The following WWOX variants were observed in gnomAD, a reference collection of about 807,000 sequenced individuals.
WWOX encodes WW domain containing oxidoreductase.
Under a neutral mutation model 46.2 loss-of-function variants are expected in WWOX, and 69 were observed. The ratio of observed to expected loss-of-function variants is 1.49; its 90% CI spans 1.23 to 1.82. The LOEUF (loss-of-function observed/expected upper bound fraction) is 1.82, where lower values mean the gene tolerates loss of function less well. Among genes scored for constraint, WWOX ranks in the 40% most tolerant of loss-of-function variants. The pLI, the probability that WWOX is intolerant of heterozygous loss-of-function variation, is 0.00. For synonymous variants in WWOX, 359 were observed against 202.6 expected (o/e 1.77, Z -6.56); for missense variants, 919 against 542.6 (o/e 1.69, Z -6.89).
intron 8 of WWOX, among the ~76,000 whole-genome samples, chr16:78,783,155 A>C (rs1323011378): frequency 6.6e-6 from 1 of 152,228 alleles, no homozygotes; most frequent in Non-Finnish European, 1.5e-5. Context: ...CATCTCCATC[A>C]TTTATAATGG....
chr16:78,765,096 G>T (rs990609909), intron 8 of WWOX, among the ~76,000 whole-genome samples: 1 of 152,206 alleles, frequency 6.6e-6, no homozygotes, highest in Non-Finnish European at 1.5e-5. Flanking sequence ...GAGAGGATGG[G>T]TGGCGGCTGT....
At chr16:78,428,879 G>A (rs898114282) in intron 7 of WWOX, among the ~76,000 whole-genome samples, 7 of 152,162 alleles carry the variant, frequency 4.6e-5, no homozygotes, top group Non-Finnish European at 1.0e-4. Flanking sequence ...TAAACATGAG[G>A]AAATTCCACA....
intron 8 of WWOX, among the ~76,000 whole-genome samples, chr16:78,936,967 C>T (rs1310077719): frequency 2.6e-5 from 4 of 152,082 alleles, no homozygotes; most frequent in Non-Finnish European, 5.9e-5. Context: ...GCATATTAAT[C>T]CATTAGTAAT....
chr16:79,038,348 TGATAC>T (rs2047907589), intron 8 of WWOX, among the ~76,000 whole-genome samples: 1 of 152,146 alleles, frequency 6.6e-6, no homozygotes, highest in Non-Finnish European at 1.5e-5. Context: ...AAAATGCTTA[TGATAC>T]AACATTAGGT....
intron 8 of WWOX, among the ~76,000 whole-genome samples, chr16:78,857,282 A>G (rs2052588984): frequency 6.6e-6 from 1 of 152,264 alleles, no homozygotes; most frequent in Non-Finnish European, 1.5e-5. Flanking sequence ...TTTATTTTTA[A>G]TCATAAAAAT....
intron 4 of WWOX, among the ~76,000 whole-genome samples, chr16:78,136,580 G>A (rs1273543928): frequency 6.6e-6 from 1 of 152,162 alleles, no homozygotes; most frequent in Non-Finnish European, 1.5e-5. Context: ...ATGTGTAGCC[G>A]TGTTATTCTT....
intron 8 of WWOX, among the ~76,000 whole-genome samples, chr16:78,949,875 A>G (rs1597193856): frequency 2.0e-5 from 3 of 152,328 alleles, no homozygotes; most frequent in Middle Eastern, 3.4e-3. Flanking sequence ...TATGGCTCTC[A>G]GCCCTACTTT....
intron 8 of WWOX, among the ~76,000 whole-genome samples, chr16:78,855,520 A>G (rs544027073): frequency 2.1e-3 from 319 of 152,334 alleles, no homozygotes; most frequent in Non-Finnish European, 3.8e-3. Context: ...GATCGATTCC[A>G]ATTTGTAAAT....
At chr16:79,121,791 C>T (rs904934604) in intron 8 of WWOX, among the ~76,000 whole-genome samples, 2 of 152,156 alleles carry the variant, frequency 1.3e-5, no homozygotes, top group African/African-American at 4.8e-5. Flanking sequence ...GTCCATTACT[C>T]TTTAAAAGTG....
At chr16:78,888,809 ATT>A (rs60457278) in intron 8 of WWOX, among the ~76,000 whole-genome samples, 1 of 150,736 alleles carries the variant, frequency 6.6e-6, no homozygotes, top group East Asian at 2.0e-4. Flanking sequence ...GAGGATATTG[ATT>A]TTTTTTTTCT....
In WWOX at chr16:79,069,610, T is replaced by A. The variant is rs76825673; in HGVS notation, c.1057-141998T>A. 3.3e-3 allele frequency among the ~76,000 whole-genome samples: 506 copies of A among 152,012 alleles called. 6 individuals are homozygous for A. The highest frequency in any genetic ancestry group is 0.011 in the African/African-American group (467 of 41,438). On this transcript the variant is annotated intron_variant, in intron 8 of 8. Transcript: ENST00000566780. ...ACAGTGCTAGTGGAAAGTATGCTGT[T>A]ATCAACCATTATTGAAGTAAGTGGG...
intron 8 of WWOX, chr16:79,203,051 GAATT>G (rs2051394199): frequency 6.6e-6 from 1 of 152,194 alleles, no homozygotes; most frequent in African/African-American, 2.4e-5. Flanking sequence ...CACCGAGGCA[GAATT>G]ATTTACCCGG....
chr16:78,765,158 G>A (rs1380639441), intron 8 of WWOX, among the ~76,000 whole-genome samples: 1 of 152,190 alleles, frequency 6.6e-6, no homozygotes, highest in African/African-American at 2.4e-5. Context: ...GATCACAGTG[G>A]CCCCACAGTG....
intron 8 of WWOX, among the ~76,000 whole-genome samples, chr16:78,812,511 C>T (rs1281046939): frequency 6.6e-6 from 1 of 152,004 alleles, no homozygotes; most frequent in Admixed American, 6.6e-5. Context: ...CACCTGAGGT[C>T]AGGAGTTCGA....
chr16:78,771,087 G>A (rs538686225), intron 8 of WWOX, among the ~76,000 whole-genome samples: 1 of 152,320 alleles, frequency 6.6e-6, no homozygotes, highest in Admixed American at 6.5e-5. Context: ...ATGCAAGTAA[G>A]CCAGCTGCAA....
intron 8 of WWOX, among the ~76,000 whole-genome samples, chr16:78,959,292 G>C (rs577717815): frequency 2.0e-5 from 3 of 152,286 alleles, no homozygotes; most frequent in African/African-American, 7.2e-5. Context: ...TTTTTCAAAA[G>C]GCATGTATTT....
intron 8 of WWOX, among the ~76,000 whole-genome samples, chr16:78,950,533 T>TACACACACACACACAC (rs141591649): frequency 1.4e-5 from 2 of 146,960 alleles, no homozygotes; most frequent in African/African-American, 2.5e-5. Flanking sequence ...CACACACACA[T>TACACACACACACACAC]ACACACACAC....
intron 8 of WWOX, among the ~76,000 whole-genome samples, chr16:78,985,976 C>T (rs897811075): frequency 5.3e-5 from 8 of 152,284 alleles, no homozygotes; most frequent in Non-Finnish European, 1.0e-4. Context: ...TGGCTCAGAG[C>T]CAACAATGCA....
chr16:78,272,610 C>T (rs2079500918), intron 5 of WWOX, among the ~76,000 whole-genome samples: 1 of 152,120 alleles, frequency 6.6e-6, no homozygotes, highest in African/African-American at 2.4e-5. Flanking sequence ...ATAGCATCTC[C>T]CTCATTACCT....
Sources: allele counts gnomAD v4.1 joint callset (sites outside exome capture counted in the v4.1 genomes callset), GRCh38; gene constraint gnomAD v4.1.1; transcripts MANE v1.5; gene names NCBI Gene and HGNC (gene_info 2026-07-23, HGNC 2026-07-21).